RAB31: variants seen among roughly 807,000 people sequenced by gnomAD.
The protein encoded by RAB31 is RAB31, member RAS oncogene family.
A neutral mutation model predicts 25.6 loss-of-function variants in RAB31; 21 were observed. The ratio of observed to expected loss-of-function variants is 0.82; its 90% CI spans 0.58 to 1.18. The LOEUF (loss-of-function observed/expected upper bound fraction) is 1.18, where lower values mean the gene tolerates loss of function less well. RAB31 is among the 50% of genes most tolerant of loss of function. The pLI, the probability that RAB31 is intolerant of heterozygous loss-of-function variation, is 0.00. For missense variants in RAB31, 196 were observed against 250.1 expected, an observed-to-expected ratio of 0.78 and a Z score of 1.46; for synonymous variants, 87 against 84.0, an observed-to-expected ratio of 1.04 and a Z score of -0.20.
chr18:9,802,453 T>C (rs3786425), intron 3 of RAB31, among the ~76,000 whole-genome samples: 66,557 of 152,090 alleles, frequency 0.44, 14,929 homozygotes, highest in African/African-American at 0.54. Flanking sequence ...GGTGGAAGGA[T>C]AGCTTGAGCC....
intron 1 of RAB31, among the ~76,000 whole-genome samples, chr18:9,773,832 C>T (rs937338727): frequency 1.3e-5 from 2 of 151,950 alleles, no homozygotes; most frequent in Non-Finnish European, 2.9e-5. Flanking sequence ...CTAATTTTTA[C>T]ATTTTTTTGT....
At position 9,811,488 on chromosome 18, in the gene RAB31, C is replaced by T. The variant is rs538271312; in HGVS notation, c.202-2532C>T. 1.6e-4 allele frequency among the ~76,000 whole-genome samples: 24 copies of T among 152,270 alleles called. No individual in the cohort carries two copies. In the South Asian group the frequency reaches 3.1e-3, roughly 20 times the overall value. The stretch of plus-strand genomic sequence containing the variant: ...AGAAAATAATAAGTTAGGGTTTTGT[C>T]GCTTGCCAGAAAAGCTTCAGGATCC... On this transcript the variant is annotated intron_variant, in intron 3 of 6. Transcript: ENST00000578921.
intron 1 of RAB31, among the ~76,000 whole-genome samples, chr18:9,719,007 C>T (rs773444747): frequency 2.6e-5 from 4 of 151,806 alleles, no homozygotes; most frequent in Non-Finnish European, 4.4e-5. Context: ...TGGTGACTCA[C>T]GCCTGTAATC....
At position 9,855,885 on chromosome 18, in the gene RAB31, G is replaced by A. The variant is rs144094425; in HGVS notation, c.491-3343G>A. Reference sequence around the variant, plus strand: ...TCTCCCCGCCATGCAAAACCCATGAGCCGTGCCCAGAAGCCCTCAACTGCT... The same window carrying A: ...TCTCCCCGCCATGCAAAACCCATGAACCGTGCCCAGAAGCCCTCAACTGCT... On this transcript the variant is annotated intron_variant, in intron 6 of 6. Transcript: ENST00000578921. 6.2e-3 allele frequency among the ~76,000 whole-genome samples: 951 copies of A among 152,262 alleles called. 1 individual carries two copies. Among genetic ancestry groups the A allele is most frequent in the Non-Finnish European group, 8.7e-3 (589 of 68,018 alleles).
intron 3 of RAB31, among the ~76,000 whole-genome samples, chr18:9,804,714 A>G (rs1423545870): frequency 6.6e-6 from 1 of 152,204 alleles, no homozygotes; most frequent in Admixed American, 6.5e-5. Flanking sequence ...TGAGGCGCTG[A>G]CAGCCTGTCC....
At chr18:9,758,493 G>T (rs2068271323) in intron 1 of RAB31, among the ~76,000 whole-genome samples, 1 of 152,020 alleles carries the variant, frequency 6.6e-6, no homozygotes, top group South Asian at 2.1e-4. Context: ...CTGTCTCTTT[G>T]CTGGGCTAGT....
intron 1 of RAB31, among the ~76,000 whole-genome samples, chr18:9,732,501 C>T (rs944498180): frequency 5.9e-5 from 9 of 152,178 alleles, no homozygotes; most frequent in Non-Finnish European, 8.8e-5. Flanking sequence ...GCCCTGTTAG[C>T]GGGTTAGGTG....
intron 5 of RAB31, among the ~76,000 whole-genome samples, chr18:9,838,152 G>A (rs2068714516): frequency 6.6e-6 from 1 of 152,200 alleles, no homozygotes; most frequent in Non-Finnish European, 1.5e-5. Context: ...GAACATTGCT[G>A]TAAAATGTCC....
intron 1 of RAB31, among the ~76,000 whole-genome samples, chr18:9,715,942 A>T (rs1388343282): frequency 6.6e-6 from 1 of 152,126 alleles, no homozygotes; most frequent in African/African-American, 2.4e-5. Context: ...GTCTTTTAGG[A>T]AAAAGGGCAT....
At chr18:9,719,008 G>A (rs190493108) in intron 1 of RAB31, among the ~76,000 whole-genome samples, 6 of 151,914 alleles carry the variant, frequency 3.9e-5, no homozygotes, top group Non-Finnish European at 7.4e-5. Flanking sequence ...GGTGACTCAC[G>A]CCTGTAATCC....
chr18:9,737,549 A>G (rs903466359), intron 1 of RAB31, among the ~76,000 whole-genome samples: 12 of 152,280 alleles, frequency 7.9e-5, no homozygotes, highest in Admixed American at 5.9e-4. Flanking sequence ...TAATGCAGTT[A>G]CTTATCTGCT....
intron 1 of RAB31, among the ~76,000 whole-genome samples, chr18:9,709,721 C>T (rs1198040784): frequency 6.6e-6 from 1 of 152,212 alleles, no homozygotes; most frequent in African/African-American, 2.4e-5. Context: ...CACAGATCCG[C>T]ACAGATCCCC....
At chr18:9,818,855 T>A (rs1458512692) in intron 5 of RAB31, among the ~76,000 whole-genome samples, 1 of 152,250 alleles carries the variant, frequency 6.6e-6, no homozygotes, top group Non-Finnish European at 1.5e-5. Context: ...TGAGATTGTG[T>A]CACTGTGGTT....
intron 3 of RAB31, among the ~76,000 whole-genome samples, chr18:9,794,814 C>CA (rs751240153): frequency 4.5e-4 from 67 of 150,292 alleles, no homozygotes; most frequent in Admixed American, 7.3e-4. Flanking sequence ...GAGTCTGTCT[C>CA]AAAAAAACAA....
rs2068007612 is a variant in RAB31, at chr18:9,709,877, T to TGAA, written c.39+1435_39+1436insAGA. Reference sequence around the variant, plus strand: ...TTCCAGGAATCCCATGCTTCCCTCTTGAGGGGCCATTTCAGCCTCAGGAAA... The same window carrying TGAA: ...TTCCAGGAATCCCATGCTTCCCTCTTGAAGAGGGGCCATTTCAGCCTCAGGAAA... On this transcript the variant is annotated intron_variant, in intron 1 of 6. Coordinates refer to ENST00000578921, the MANE Select transcript of RAB31 (RefSeq NM_006868.4). Among the ~76,000 whole-genome samples the TGAA allele has an allele frequency of 2.6e-5, 4 of 152,298 alleles. No individual in the cohort carries two copies. The South Asian group carries it at 8.3e-4, about 32-fold the overall frequency.
rs572061043 is a variant in RAB31, at chr18:9,829,144, G to A, written c.380+13922G>A. Among the ~76,000 whole-genome samples, 17 of 152,258 alleles carry A rather than the reference G, an allele frequency of 1.1e-4. No homozygotes were observed. The South Asian group carries it at 3.1e-3, about 28-fold the overall frequency. ...TACTGTGGTAATAAAATGAACAGCC[G>A]TGTAAGTGTGCCACAGAGAACCCTT... is the stretch of plus-strand genomic sequence containing the variant. On this transcript the variant is annotated intron_variant, in intron 5 of 6. Coordinates refer to ENST00000578921, the MANE Select transcript of RAB31 (RefSeq NM_006868.4).
At chr18:9,720,809 T>C (rs2068070389) in intron 1 of RAB31, among the ~76,000 whole-genome samples, 1 of 152,094 alleles carries the variant, frequency 6.6e-6, no homozygotes, top group African/African-American at 2.4e-5. Flanking sequence ...ATTTGGTTCT[T>C]ACTGGAAATA....
intron 2 of RAB31, among the ~76,000 whole-genome samples, chr18:9,783,277 T>C (rs1452227910): frequency 2.6e-5 from 4 of 152,206 alleles, no homozygotes; most frequent in African/African-American, 7.2e-5. Flanking sequence ...GGCTGGTTCA[T>C]TGAGTCTGGC....
At chr18:9,724,283 A>C (rs891153783) in intron 1 of RAB31, among the ~76,000 whole-genome samples, 170 of 121,364 alleles carry the variant, frequency 1.4e-3, no homozygotes, top group African/African-American at 4.5e-3. Flanking sequence ...AAAAAAAAAA[A>C]AAAACAAAAA....
Sources: allele counts gnomAD v4.1 joint callset (sites outside exome capture counted in the v4.1 genomes callset), GRCh38; gene constraint gnomAD v4.1.1; transcripts MANE v1.5; gene names NCBI Gene and HGNC (gene_info 2026-07-23, HGNC 2026-07-21).